The following AKR1C8 variants were observed in gnomAD, a reference collection of about 807,000 sequenced individuals.
AKR1C8 encodes aldo-keto reductase family 1 member C8, also known as aldo-keto reductase family 1 member C-like protein 1.
chr10:5,147,141 T>A, the AKR1C8 span, among the ~76,000 whole-genome samples: 1 of 152,016 alleles, frequency 6.6e-6, no homozygotes, highest in Non-Finnish European at 1.5e-5. Context: ...GATGGTGAGA[T>A]AGGAAAGCAA....
At chr10:5,160,267 C>T in the AKR1C8 span, among the ~76,000 whole-genome samples, 1 of 152,044 alleles carries the variant, frequency 6.6e-6, no homozygotes, top group African/African-American at 2.4e-5. Context: ...TACTACCTAT[C>T]TGGCTTGAGA....
chr10:5,159,606 T>C, the AKR1C8 span, among the ~76,000 whole-genome samples: 1 of 152,116 alleles, frequency 6.6e-6, no homozygotes, highest in Non-Finnish European at 1.5e-5. Flanking sequence ...TCCAAACATC[T>C]GTATCTCCAC....
chr10:5,169,165 G>C, the AKR1C8 span, among the ~76,000 whole-genome samples: 1 of 152,168 alleles, frequency 6.6e-6, no homozygotes, highest in Non-Finnish European at 1.5e-5. Context: ...TGCTCTTTCT[G>C]GCTGCTTGTA....
chr10:5,165,032 A>C, the AKR1C8 span, among the ~76,000 whole-genome samples: 1 of 152,158 alleles, frequency 6.6e-6, no homozygotes, highest in African/African-American at 2.4e-5. Flanking sequence ...TAATTCAAAT[A>C]GGTACTGATT....
the AKR1C8 span, among the ~76,000 whole-genome samples, chr10:5,131,009 G>C: frequency 6.6e-6 from 1 of 151,908 alleles, no homozygotes; most frequent in East Asian, 1.9e-4. Context: ...TTAGATAAAT[G>C]AAACAAAATA....
the AKR1C8 span, among the ~76,000 whole-genome samples, chr10:5,144,274 T>A: frequency 6.6e-6 from 1 of 152,164 alleles, no homozygotes; most frequent in Non-Finnish European, 1.5e-5. Context: ...TTGGTTACTG[T>A]AGCCTTGTAG....
the AKR1C8 span, among the ~76,000 whole-genome samples, chr10:5,177,259 T>C: frequency 0.018 from 2,668 of 152,152 alleles, 79 homozygotes; most frequent in African/African-American, 0.061. Context: ...TCTTTGGTTC[T>C]GTTTATATGC....
At chr10:5,137,998 G>A in the AKR1C8 span, among the ~76,000 whole-genome samples, 1 of 152,082 alleles carries the variant, frequency 6.6e-6, no homozygotes, top group East Asian at 1.9e-4. Flanking sequence ...GGCAAAAGCA[G>A]AACTACTGAT....
chr10:5,162,462 C>T, the AKR1C8 span, among the ~76,000 whole-genome samples: 2 of 152,168 alleles, frequency 1.3e-5, no homozygotes, highest in Non-Finnish European at 2.9e-5. Context: ...TTAGAGAGTT[C>T]AGAAAACTCA....
At chr10:5,164,034 C>CT in the AKR1C8 span, among the ~76,000 whole-genome samples, 4 of 152,048 alleles carry the variant, frequency 2.6e-5, no homozygotes, top group Non-Finnish European at 5.9e-5. Flanking sequence ...GGACACTTTT[C>CT]TTTTTTGGAC....
chr10:5,178,794 G>A, the AKR1C8 span, among the ~76,000 whole-genome samples: 4 of 120,444 alleles, frequency 3.3e-5, no homozygotes, highest in African/African-American at 1.3e-4. Flanking sequence ...GACTAGGATT[G>A]CAACCCCTGC....
the AKR1C8 span, among the ~76,000 whole-genome samples, chr10:5,131,126 C>T: frequency 1.3e-5 from 2 of 151,874 alleles, no homozygotes; most frequent in Non-Finnish European, 2.9e-5. Context: ...ACTGGTAAGC[C>T]ACATGTAGAA....
chr10:5,154,683 C>T, the AKR1C8 span: 1 of 152,528 alleles, frequency 6.6e-6, no homozygotes, highest in African/African-American at 2.4e-5. Flanking sequence ...TGTGGTTTTA[C>T]ATAAAGGAGG....
chr10:5,172,232 C>T, the AKR1C8 span, among the ~76,000 whole-genome samples: 1 of 152,038 alleles, frequency 6.6e-6, no homozygotes, highest in Non-Finnish European at 1.5e-5. Context: ...CATAAATTCT[C>T]TTTTATAAAA....
At chr10:5,120,867 G>T in the AKR1C8 span, among the ~76,000 whole-genome samples, 2 of 152,062 alleles carry the variant, frequency 1.3e-5, no homozygotes, top group Non-Finnish European at 2.9e-5. Flanking sequence ...TATTCTACCA[G>T]TTTGGAGTGT....
the AKR1C8 span, among the ~76,000 whole-genome samples, chr10:5,148,809 TG>T: frequency 6.6e-6 from 1 of 152,170 alleles, no homozygotes; most frequent in African/African-American, 2.4e-5. Context: ...ATAGTGAGTA[TG>T]GGGTCCAGAG....
At chr10:5,176,278 C>A in the AKR1C8 span, among the ~76,000 whole-genome samples, 23,031 of 79,060 alleles carry the variant, frequency 0.29, 4,638 homozygotes, top group Non-Finnish European at 0.36. Flanking sequence ...GTCAAAGATC[C>A]GATAGTTGTA....
At chr10:5,154,789 T>C in the AKR1C8 span, 1 of 152,416 alleles carries the variant, frequency 6.6e-6, no homozygotes, top group South Asian at 2.1e-4. Context: ...CCTCTCTATT[T>C]AGCCTTCTCT....
At chr10:5,177,045 T>G in the AKR1C8 span, among the ~76,000 whole-genome samples, 1 of 152,066 alleles carries the variant, frequency 6.6e-6, no homozygotes, top group East Asian at 1.9e-4. Context: ...AGGGCATCCC[T>G]GTCTTGTGCC....
Sources: gnomAD v4.1 joint callset for allele counts (sites outside exome capture counted in the v4.1 genomes callset) on GRCh38, gnomAD v4.1.1 for gene constraint, MANE v1.5 for transcripts, NCBI Gene and HGNC (gene_info 2026-07-23, HGNC 2026-07-21) for gene names.